The following WWOX variants were observed in gnomAD, a reference collection of about 807,000 sequenced individuals.
WWOX encodes WW domain containing oxidoreductase.
Under a neutral mutation model 46.2 loss-of-function variants are expected in WWOX, and 69 were observed. The observed-to-expected ratio is 1.49, with a 90% CI of 1.23 to 1.82. WWOX has a LOEUF of 1.82. Ranked by LOEUF, WWOX falls within the 40% of genes most tolerant of loss-of-function variation. WWOX has a pLI of 0.00. For missense variants in WWOX, 919 were observed against 542.6 expected (o/e 1.69, Z -6.89); for synonymous variants, 359 against 202.6 (o/e 1.77, Z -6.56).
At chr16:78,488,637 G>A (rs1026269446) in intron 8 of WWOX, among the ~76,000 whole-genome samples, 2 of 152,268 alleles carry the variant, frequency 1.3e-5, no homozygotes, top group African/African-American at 4.8e-5. Flanking sequence ...AGTGCTCTGA[G>A]CTCATTAGGC....
intron 8 of WWOX, among the ~76,000 whole-genome samples, chr16:78,991,850 C>G (rs531850554): frequency 6.6e-6 from 1 of 152,148 alleles, no homozygotes; most frequent in African/African-American, 2.4e-5. Context: ...CTGCTTCAGA[C>G]TCCTGTCCAT....
intron 8 of WWOX, among the ~76,000 whole-genome samples, chr16:79,011,274 A>G (rs1454646928): frequency 1.3e-5 from 2 of 151,096 alleles, no homozygotes; most frequent in African/African-American, 4.9e-5. Flanking sequence ...CTATGCAACC[A>G]TTTCACATCC....
chr16:78,425,689 G>C (rs1252499482), intron 7 of WWOX, among the ~76,000 whole-genome samples: 2 of 152,272 alleles, frequency 1.3e-5, no homozygotes, highest in East Asian at 3.9e-4. Flanking sequence ...TAGAGTTGGA[G>C]AAACAACTAT....
intron 8 of WWOX, among the ~76,000 whole-genome samples, chr16:78,486,870 C>A (rs1390630552): frequency 1.3e-5 from 2 of 152,316 alleles, no homozygotes; most frequent in Admixed American, 6.5e-5. Context: ...CCGCCCCCGA[C>A]CATTGTCTGT....
At chr16:78,409,557 C>T (rs908687458) in intron 6 of WWOX, among the ~76,000 whole-genome samples, 5 of 152,308 alleles carry the variant, frequency 3.3e-5, no homozygotes, top group African/African-American at 4.8e-5. Context: ...GACCTAGCGA[C>T]TTAAAACAGC....
Position 78,438,105 on chromosome 16 carries a change from C to G in WWOX, c.1056+5353C>G, listed in dbSNP as rs369732824. On this transcript the variant is annotated intron_variant, in intron 8 of 8. Transcript: ENST00000566780. ...TGACTTTAGAATCCTACCACACTTC[C>G]AAATAGAGATGCAGATTGACCATTT... 6.6e-5 allele frequency among the ~76,000 whole-genome samples: 10 copies of G among 152,222 alleles called. No individual in the cohort carries two copies. The South Asian group carries it at 2.1e-3, about 32-fold the overall frequency.
chr16:79,180,159 A>G (rs1465368255), intron 8 of WWOX, among the ~76,000 whole-genome samples: 2 of 152,222 alleles, frequency 1.3e-5, no homozygotes, highest in African/African-American at 2.4e-5. Flanking sequence ...TCACGGGTAC[A>G]TCAAAACGAC....
chr16:79,185,236 T>C (rs950805880), intron 8 of WWOX, among the ~76,000 whole-genome samples: 1 of 152,198 alleles, frequency 6.6e-6, no homozygotes, highest in African/African-American at 2.4e-5. Flanking sequence ...CATCATTTCC[T>C]GGTGAAGCCC....
At chr16:78,853,410 G>C (rs2052495911) in intron 8 of WWOX, among the ~76,000 whole-genome samples, 2 of 151,944 alleles carry the variant, frequency 1.3e-5, no homozygotes, top group South Asian at 4.2e-4. Context: ...ACAGGGTTTT[G>C]CCACGTTAAC....
At chr16:78,435,608 C>G (rs1046385568) in intron 8 of WWOX, among the ~76,000 whole-genome samples, 1 of 152,030 alleles carries the variant, frequency 6.6e-6, no homozygotes, top group African/African-American at 2.4e-5. Flanking sequence ...TGGAGGGGCA[C>G]TCATAGAAAG....
At chr16:78,994,983 T>TTG (rs1317690369) in intron 8 of WWOX, among the ~76,000 whole-genome samples, 1 of 146,394 alleles carries the variant, frequency 6.8e-6, no homozygotes, top group Non-Finnish European at 1.5e-5. Context: ...TTTTTTTTTT[T>TTG]TTTTTGTTTT....
chr16:78,124,684 A>G (rs764139646), intron 4 of WWOX, among the ~76,000 whole-genome samples: 1 of 152,224 alleles, frequency 6.6e-6, no homozygotes, highest in Non-Finnish European at 1.5e-5. Context: ...AATGGGGTGC[A>G]TAGGAAGGGT....
chr16:78,546,768 A>C (rs750909912), intron 8 of WWOX, among the ~76,000 whole-genome samples: 2 of 152,146 alleles, frequency 1.3e-5, no homozygotes, highest in African/African-American at 2.4e-5. Flanking sequence ...CTAAAGAGAT[A>C]AGTTACTGAC....
At chr16:78,791,335 C>G (rs1250598052) in intron 8 of WWOX, among the ~76,000 whole-genome samples, 2 of 152,076 alleles carry the variant, frequency 1.3e-5, no homozygotes, top group Non-Finnish European at 2.9e-5. Context: ...CAACGGCAGT[C>G]TCAGGTTTAT....
chr16:78,730,956 T>C (rs1190788189), intron 8 of WWOX, among the ~76,000 whole-genome samples: 1 of 152,108 alleles, frequency 6.6e-6, no homozygotes, highest in African/African-American at 2.4e-5. Flanking sequence ...AATACATTAT[T>C]ATCATTAACA....
At chr16:78,345,098 A>G (rs570234865) in intron 5 of WWOX, among the ~76,000 whole-genome samples, 1 of 118,974 alleles carries the variant, frequency 8.4e-6, no homozygotes, top group South Asian at 2.6e-4. Flanking sequence ...GTTTTCTCAT[A>G]AAGTTGACTA....
chr16:78,455,772 T>C (rs577074268), intron 8 of WWOX, among the ~76,000 whole-genome samples: 17 of 145,928 alleles, frequency 1.2e-4, no homozygotes, highest in African/African-American at 4.5e-4. Flanking sequence ...TTTGTAATGA[T>C]GCCTGGGGGA....
intron 8 of WWOX, among the ~76,000 whole-genome samples, chr16:78,947,163 A>G (rs956419095): frequency 3.3e-5 from 5 of 152,168 alleles, no homozygotes; most frequent in Non-Finnish European, 5.9e-5. Flanking sequence ...ATAGATCAAA[A>G]AAGTACCCAA....
chr16:78,467,469 G>A (rs374222277), intron 8 of WWOX, among the ~76,000 whole-genome samples: 8 of 152,232 alleles, frequency 5.3e-5, no homozygotes, highest in African/African-American at 1.9e-4. Context: ...ACTAAGGCAG[G>A]ATCAAAGGAC....
Sources: allele counts gnomAD v4.1 joint callset (sites outside exome capture counted in the v4.1 genomes callset), GRCh38; gene constraint gnomAD v4.1.1; transcripts MANE v1.5; gene names NCBI Gene and HGNC (gene_info 2026-07-23, HGNC 2026-07-21).